The following PIEZO2 variants were observed in gnomAD, a reference collection of about 807,000 sequenced individuals.
PIEZO2 encodes the protein piezo-type mechanosensitive ion channel component 2.
Under a neutral mutation model 337.3 loss-of-function variants are expected in PIEZO2, and 172 were observed. The ratio of observed to expected loss-of-function variants is 0.51; its 90% CI spans 0.45 to 0.58. The LOEUF is 0.58. PIEZO2 is among the 20% of genes least tolerant of loss of function. The pLI, the probability that PIEZO2 is intolerant of heterozygous loss-of-function variation, is 0.00. For missense variants in PIEZO2, 3,028 were observed against 3,391.3 expected (o/e 0.89, Z 2.66); for synonymous variants, 1,251 against 1,228.5 (o/e 1.02, Z -0.38).
chr18:11,090,097 G>A (rs1384949986), intron 1 of PIEZO2, among the ~76,000 whole-genome samples: 1 of 152,184 alleles, frequency 6.6e-6, no homozygotes, highest in Non-Finnish European at 1.5e-5. Context: ...GATTCTGCCG[G>A]TTTCTGTGCC....
At position 11,001,196 on chromosome 18, in the gene PIEZO2, C is replaced by A. The variant is rs1298652633; in HGVS notation, c.161-21536G>T. Among the ~76,000 whole-genome samples, 1 of 152,086 alleles carries A rather than the reference C, an allele frequency of 6.6e-6. No individual in the cohort carries two copies. Among genetic ancestry groups the A allele is most frequent in the Non-Finnish European group, 1.5e-5 (1 of 68,032 alleles). On this transcript the variant is annotated intron_variant, in intron 2 of 55. Coordinates refer to ENST00000674853, the MANE Select transcript of PIEZO2 (RefSeq NM_001378183.1). The surrounding 1 kb of genome is among the most constrained non-coding windows in gnomAD (Gnocchi z 5.3). ...ATTGTCCTCAAGCAGATGTAAGCCT[C>A]CTGAAGGCAGGGCTGCCGCTAGCAT...
chr18:10,716,290 T>C lies in PIEZO2; in HGVS notation c.5090-474A>G, dbSNP rs869274. 0.045 allele frequency among the ~76,000 whole-genome samples: 6,902 copies of C among 152,190 alleles called. 221 individuals are homozygous for C. The highest frequency in any genetic ancestry group is 0.1 in the Admixed American group (1,564 of 15,286). On this transcript the variant is annotated intron_variant, in intron 37 of 55. Transcript: ENST00000674853. The surrounding 1 kb of genome is among the most constrained non-coding windows in gnomAD (Gnocchi z 4.1). ...CTCAACCCACTCAAGGGAAGGACGA[T>C]GAGGATGAGAGCTTTATGATGGTCC...
At chr18:10,905,053 A>C (rs1014700731) in intron 4 of PIEZO2, among the ~76,000 whole-genome samples, 10 of 152,238 alleles carry the variant, frequency 6.6e-5, no homozygotes, top group Admixed American at 5.9e-4. Context: ...TAACAACTTA[A>C]AAAAATCATT....
At chr18:10,731,352 G>T (rs952282603) in intron 36 of PIEZO2, 55 bp downstream of exon 36, 10 of 1,237,070 alleles carry the variant, frequency 8.1e-6, no homozygotes, top group Non-Finnish European at 1.1e-5. Flanking sequence ...ACAAGGCTGG[G>T]GAGCACAGCC....
Position 10,855,503 on chromosome 18 carries a change from C to A in PIEZO2, c.767G>T (p.Trp256Leu). Residue 256 changes from tryptophan to leucine, a missense_variant, in exon 7 of 56, where the codon TGG becomes TTG. Coordinates refer to ENST00000674853, the MANE Select transcript of PIEZO2 (RefSeq NM_001378183.1). This position sits in a 1 kb window ranked among gnomAD's most constrained non-coding sequence, Gnocchi z 4.9. ...YFFVFLGLCT[W>L]WSWCRTFDPL... ...GTCGAACGTCCGGCACCAGGACCAC[C>A]AGGTGCACAGACCCAAAAATACAAA... is the stretch of plus-strand genomic sequence containing the variant. 1 of 1,537,082 alleles carries A rather than the reference C, an allele frequency of 6.5e-7. No homozygotes were observed. The highest frequency in any genetic ancestry group is 1.2e-5 in the South Asian group (1 of 84,048).
At chr18:10,889,765 C>T (rs2042704549) in intron 4 of PIEZO2, among the ~76,000 whole-genome samples, 1 of 152,204 alleles carries the variant, frequency 6.6e-6, no homozygotes, top group Non-Finnish European at 1.5e-5. Context: ...CCCTCATCCT[C>T]ATTCTCCTCC....
At chr18:11,061,061 T>A (rs956594219) in intron 2 of PIEZO2, among the ~76,000 whole-genome samples, 1 of 152,166 alleles carries the variant, frequency 6.6e-6, no homozygotes, top group African/African-American at 2.4e-5. Flanking sequence ...TCCACCATGA[T>A]CAAGTGGGCT....
chr18:11,008,887 G>A (rs1437078838), intron 2 of PIEZO2, among the ~76,000 whole-genome samples: 3 of 152,088 alleles, frequency 2.0e-5, no homozygotes, highest in Admixed American at 2.0e-4. Context: ...TGCTATAGCA[G>A]CAATTAAAGA....
At chr18:10,996,311 C>A (rs2035317497) in intron 2 of PIEZO2, among the ~76,000 whole-genome samples, 1 of 152,062 alleles carries the variant, frequency 6.6e-6, no homozygotes, top group Non-Finnish European at 1.5e-5. Flanking sequence ...TCAAGTATTC[C>A]CTTATAGTCA....
At chr18:10,879,099 AAT>A (rs1361969540) in intron 4 of PIEZO2, among the ~76,000 whole-genome samples, 2 of 152,228 alleles carry the variant, frequency 1.3e-5, no homozygotes, top group African/African-American at 4.8e-5. Flanking sequence ...GCATAGCATA[AAT>A]ATGTGTGTAA....
intron 2 of PIEZO2, among the ~76,000 whole-genome samples, chr18:11,015,621 A>G (rs566664094): frequency 1.7e-4 from 26 of 152,282 alleles, no homozygotes; most frequent in South Asian, 1.7e-3. Flanking sequence ...GGTAAGGTCA[A>G]ATCTAAAGGG....
Position 11,021,785 on chromosome 18 carries a change from C to T in PIEZO2, c.161-42125G>A, listed in dbSNP as rs1022399520. Among the ~76,000 whole-genome samples, 7 of 152,216 alleles carry T rather than the reference C, an allele frequency of 4.6e-5. No homozygotes were observed. Among genetic ancestry groups the T allele is most frequent in the African/African-American group, 1.4e-4 (6 of 41,460 alleles). ...CAGTGTGTGTGAGGCATCATCTAGA[C>T]GCTGGGGGACTGCAGATGCAAACCA... is the stretch of plus-strand genomic sequence containing the variant. On this transcript the variant is annotated intron_variant, in intron 2 of 55. Transcript: ENST00000674853. This position sits in a 1 kb window ranked among gnomAD's most constrained non-coding sequence, Gnocchi z 4.7.
chr18:11,071,976 C>T (rs1277066281), intron 1 of PIEZO2, among the ~76,000 whole-genome samples: 1 of 147,412 alleles, frequency 6.8e-6, no homozygotes, highest in East Asian at 2.4e-4. Context: ...TGCAAAACTA[C>T]ATCACCTGCA....
In PIEZO2 at chr18:10,724,770, G is replaced by C. The variant is rs1227552256; in HGVS notation, c.5030-6511C>G. 3.8e-6 allele frequency: 6 copies of C among 1,567,806 alleles called. No individual in the cohort carries two copies. In the African/African-American group the frequency reaches 6.8e-5, roughly 18 times the overall value. ...AGTCCCTGGCCTTGCCCGTGGCTCT[G>C]GCAGTCCCCCCAGCACTGCAGCCCC... On this transcript the variant is annotated intron_variant, in intron 36 of 55. Transcript: ENST00000674853. The surrounding 1 kb of genome is among the most constrained non-coding windows in gnomAD (Gnocchi z 5.8).
At chr18:10,719,024 A>AATAT (rs1472981006) in intron 36 of PIEZO2, among the ~76,000 whole-genome samples, 9 of 149,244 alleles carry the variant, frequency 6.0e-5, no homozygotes, top group Non-Finnish European at 1.3e-4. Context: ...TAAATAAATA[A>AATAT]ATTTGCTATG....
chr18:10,728,770 A>G (rs1257495424), intron 36 of PIEZO2, among the ~76,000 whole-genome samples: 1 of 151,960 alleles, frequency 6.6e-6, no homozygotes, highest in African/African-American at 2.4e-5. Flanking sequence ...CCTGGCTAAC[A>G]TGGTGAAACC....
rs2145565988 is a variant in PIEZO2, at chr18:10,993,213, T to C, written c.161-13553A>G. Among the ~76,000 whole-genome samples the C allele has an allele frequency of 6.6e-6, 1 of 152,352 alleles. No individual in the cohort carries two copies. The highest frequency in any genetic ancestry group is 1.9e-4 in the East Asian group (1 of 5,174). ...CCTCTTTTCCTATTTGAATACGCTT[T>C]ATTTCCTTCTCTTGCCTGATTGCCC... On this transcript the variant is annotated intron_variant, in intron 2 of 55. Coordinates refer to ENST00000674853, the MANE Select transcript of PIEZO2 (RefSeq NM_001378183.1). The surrounding 1 kb of genome is among the most constrained non-coding windows in gnomAD (Gnocchi z 5.0).
chr18:10,999,813 A>C (rs774582902), intron 2 of PIEZO2, among the ~76,000 whole-genome samples: 9 of 152,318 alleles, frequency 5.9e-5, no homozygotes, highest in Non-Finnish European at 1.2e-4. Context: ...AACAAATAAA[A>C]AGCAAATTGA....
chr18:11,135,324 A>G (rs554071419), intron 1 of PIEZO2, among the ~76,000 whole-genome samples: 131 of 152,314 alleles, frequency 8.6e-4, no homozygotes, highest in African/African-American at 3.1e-3. Flanking sequence ...GTGAATAAAC[A>G]TCTTGGATGA....
Sources: allele counts gnomAD v4.1 joint callset (sites outside exome capture counted in the v4.1 genomes callset), GRCh38; gene constraint gnomAD v4.1.1; non-coding constraint Gnocchi (gnomAD v3.1); transcripts MANE v1.5; gene names NCBI Gene and HGNC (gene_info 2026-07-23, HGNC 2026-07-21).